The following RPIA variants were observed in gnomAD, a reference collection of about 807,000 sequenced individuals.
RPIA encodes the protein ribose 5-phosphate isomerase A.
In RPIA, 29 loss-of-function variants were observed where a neutral mutation model predicts 37.8. That is an observed-to-expected ratio of 0.77 (90% CI 0.57 to 1.05). RPIA has a LOEUF of 1.05. Among genes scored for constraint, RPIA ranks in the 50% least tolerant of loss-of-function variants. RPIA has a pLI of 0.00. For missense variants in RPIA, 385 were observed against 413.6 expected (o/e 0.93, Z 0.60); for synonymous variants, 167 against 157.0 (o/e 1.06, Z -0.48).
intron 3 of RPIA, among the ~76,000 whole-genome samples, chr2:88,720,571 TAAA>T (rs1211508145): frequency 5.3e-5 from 8 of 150,630 alleles, no homozygotes; most frequent in Admixed American, 2.6e-4. Context: ...AAAACAAAAT[TAAA>T]AAATAATTTA....
intron 3 of RPIA, among the ~76,000 whole-genome samples, chr2:88,701,537 C>T (rs1445783927): frequency 8.8e-4 from 8 of 9,076 alleles, no homozygotes; most frequent in Non-Finnish European, 1.3e-3. Flanking sequence ...CTAGAAAGCA[C>T]ACTCTTATTA....
chr2:88,697,252 G>A (rs758118458), intron 1 of RPIA, among the ~76,000 whole-genome samples: 3 of 152,204 alleles, frequency 2.0e-5, no homozygotes. Flanking sequence ...AAAGTCTTAA[G>A]TTTTTCCTTA....
At chr2:88,711,598 G>T (rs181269960) in intron 3 of RPIA, among the ~76,000 whole-genome samples, 9 of 152,322 alleles carry the variant, frequency 5.9e-5, no homozygotes, top group Non-Finnish European at 1.0e-4. Flanking sequence ...CTTAAAAAGT[G>T]CCAGAGTCTT....
At chr2:88,714,344 G>A (rs1673006472) in intron 3 of RPIA, among the ~76,000 whole-genome samples, 1 of 151,956 alleles carries the variant, frequency 6.6e-6, no homozygotes, top group African/African-American at 2.4e-5. Context: ...TAATTTTTTT[G>A]TATTTCTAGT....
chr2:88,749,744 A>G (rs1383809207), intron 8 of RPIA, among the ~76,000 whole-genome samples: 1 of 152,218 alleles, frequency 6.6e-6, no homozygotes. Context: ...GGGCAGGACA[A>G]AGCTTAGCAT....
At chr2:88,732,879 A>G (rs1673263725) in intron 4 of RPIA, among the ~76,000 whole-genome samples, 1 of 152,122 alleles carries the variant, frequency 6.6e-6, no homozygotes, top group African/African-American at 2.4e-5. Context: ...TTTCTGAGCC[A>G]TTATTATGTA....
chr2:88,744,371 C>T (rs1314787529), intron 8 of RPIA, among the ~76,000 whole-genome samples: 1 of 152,096 alleles, frequency 6.6e-6, no homozygotes, highest in Non-Finnish European at 1.5e-5. Flanking sequence ...TGTGAGAGTA[C>T]TTGATATAAT....
intron 3 of RPIA, among the ~76,000 whole-genome samples, chr2:88,712,136 A>T (rs1040154879): frequency 6.6e-6 from 1 of 152,204 alleles, no homozygotes; most frequent in African/African-American, 2.4e-5. Context: ...CTGAGAGTAG[A>T]GGTCCATCAG....
At chr2:88,696,194 G>C (rs1672742975) in intron 1 of RPIA, among the ~76,000 whole-genome samples, 1 of 152,126 alleles carries the variant, frequency 6.6e-6, no homozygotes, top group Non-Finnish European at 1.5e-5. Context: ...TTGTTAATCA[G>C]TTGTTGGAAA....
intron 3 of RPIA, among the ~76,000 whole-genome samples, chr2:88,723,565 C>G (rs971946818): frequency 2.0e-5 from 3 of 152,004 alleles, no homozygotes; most frequent in African/African-American, 7.3e-5. Flanking sequence ...AGCAAATTGT[C>G]CTGTTGGTTT....
chr2:88,713,721 G>A (rs1035614609), intron 3 of RPIA, among the ~76,000 whole-genome samples: 1 of 151,878 alleles, frequency 6.6e-6, no homozygotes, highest in African/African-American at 2.4e-5. Context: ...TCATCTTTCT[G>A]GGACCCTTCT....
At chr2:88,712,908 A>T (rs1042356740) in intron 3 of RPIA, among the ~76,000 whole-genome samples, 1 of 150,958 alleles carries the variant, frequency 6.6e-6, no homozygotes, top group African/African-American at 2.4e-5. Flanking sequence ...TGCTGTTGTC[A>T]TCCAGGCTGG....
intron 8 of RPIA, among the ~76,000 whole-genome samples, chr2:88,749,775 C>T (rs1165943996): frequency 6.6e-6 from 1 of 151,918 alleles, no homozygotes; most frequent in Admixed American, 6.6e-5. Context: ...AGAAAGAAGG[C>T]CAAAGTGGGA....
At chr2:88,748,350 C>T (rs1178545138) in intron 8 of RPIA, among the ~76,000 whole-genome samples, 1 of 152,156 alleles carries the variant, frequency 6.6e-6, no homozygotes, top group African/African-American at 2.4e-5. Flanking sequence ...AACATTATGA[C>T]TTAACTGGAT....
chr2:88,703,812 G>A (rs757888428), intron 3 of RPIA, among the ~76,000 whole-genome samples: 6 of 152,048 alleles, frequency 3.9e-5, no homozygotes, highest in African/African-American at 7.2e-5. Context: ...CTTTTCTATC[G>A]GATTCAGGCT....
rs529800788 is a variant in RPIA at position 88,746,832 on chromosome 2, T to C, written c.839-3149T>C. 3.9e-5 allele frequency among the ~76,000 whole-genome samples: 6 copies of C among 152,320 alleles called. No homozygotes were observed. In the South Asian group the frequency reaches 1.2e-3, roughly 32 times the overall value. ...TGGAATTAGCTGTTGTTTTTCCCTT[T>C]TTGGAGCAGGGTTGTTCTGTTACGA... On this transcript the variant is annotated intron_variant, in intron 8 of 8. Coordinates refer to ENST00000283646, the MANE Select transcript of RPIA (RefSeq NM_144563.3).
intron 3 of RPIA, among the ~76,000 whole-genome samples, chr2:88,727,100 C>A (rs535346078): frequency 6.7e-6 from 1 of 149,654 alleles, no homozygotes; most frequent in African/African-American, 2.5e-5. Flanking sequence ...TGTGTGTGCG[C>A]GCGCATGTGT....
chr2:88,742,526 T>C (rs2104144171), intron 8 of RPIA, among the ~76,000 whole-genome samples: 1 of 152,348 alleles, frequency 6.6e-6, no homozygotes, highest in East Asian at 1.9e-4. Context: ...GCTTTGGCTA[T>C]GTGGGCTCTT....
At chr2:88,702,506 CAAAG>C (rs982807650) in intron 3 of RPIA, among the ~76,000 whole-genome samples, 6 of 134,716 alleles carry the variant, frequency 4.5e-5, no homozygotes, top group Admixed American at 7.0e-5. Flanking sequence ...TGGCAGCAGA[CAAAG>C]AGAGAATGAG....
Sources: gnomAD v4.1 joint callset for allele counts (sites outside exome capture counted in the v4.1 genomes callset) on GRCh38, gnomAD v4.1.1 for gene constraint, MANE v1.5 for transcripts, NCBI Gene and HGNC (gene_info 2026-07-23, HGNC 2026-07-21) for gene names.